Variants in USP47 observed in about 807,000 individuals in gnomAD.
The protein encoded by USP47 is ubiquitin carboxyl-terminal hydrolase 47.
A neutral mutation model predicts 165.1 loss-of-function variants in USP47; 35 were observed. That is an observed-to-expected ratio of 0.21 (90% confidence interval 0.16 to 0.28). The LOEUF is 0.28. USP47 is among the 10% of genes least tolerant of loss of function. The probability of loss-of-function intolerance (pLI) is 1.00; values close to 1 mark genes in which losing one functional copy is unlikely to be tolerated. For missense variants in USP47, 1,277 were observed against 1,607.4 expected (o/e 0.79, Z 3.52); for synonymous variants, 531 against 544.5 (o/e 0.98, Z 0.35).
intron 22 of USP47, 101 bp from the exon 23 acceptor site, chr11:11,949,787 TA>T (rs1288122880): frequency 5.4e-6 from 4 of 744,488 alleles, no homozygotes; most frequent in Non-Finnish European, 6.3e-6. Flanking sequence ...CTCAGGCCCT[TA>T]ATTGCAAATA....
intron 11 of USP47, among the ~76,000 whole-genome samples, chr11:11,927,219 C>T (rs1854313749): frequency 7.0e-6 from 1 of 142,676 alleles, no homozygotes; most frequent in Non-Finnish European, 1.6e-5. Context: ...CTCTGCCTCC[C>T]CTGAAGATTT....
intron 11 of USP47, among the ~76,000 whole-genome samples, chr11:11,927,756 T>C (rs989520187): frequency 1.3e-5 from 2 of 152,104 alleles, no homozygotes; most frequent in Non-Finnish European, 2.9e-5. Flanking sequence ...TGTATTGCTT[T>C]GTTAAATAGT....
intron 25 of USP47, among the ~76,000 whole-genome samples, chr11:11,953,367 A>G (rs1329882986): frequency 6.6e-6 from 1 of 152,208 alleles, no homozygotes; most frequent in Non-Finnish European, 1.5e-5. Flanking sequence ...ACTTCATACT[A>G]AACACAAAAA....
intron 12 of USP47, 46 bp downstream of exon 12, chr11:11,929,611 A>G: frequency 1.3e-6 from 2 of 1,598,072 alleles, no homozygotes; most frequent in East Asian, 2.2e-5. Flanking sequence ...GGTGGGAGTA[A>G]GGATGTTTCT....
intron 10 of USP47, among the ~76,000 whole-genome samples, chr11:11,922,270 T>C (rs1364704540): frequency 6.6e-6 from 1 of 151,972 alleles, no homozygotes; most frequent in African/African-American, 2.4e-5. Flanking sequence ...GTCTTGTTTC[T>C]CTTTCTAATT....
At position 11,956,092 on chromosome 11, in the gene USP47, C is replaced by A. The variant is rs371170010; in HGVS notation, c.3985C>A (p.Arg1329Ser). The A allele has an allele frequency of 1.7e-5, 27 of 1,612,086 alleles. No individual in the cohort carries two copies. Among genetic ancestry groups the A allele is most frequent in the Non-Finnish European group, 2.2e-5 (26 of 1,179,368 alleles). ...CAGTCGACTCCAGAAGACTGGACATCGTGTAACATACTCACCTCGTAAAGA... is the reference window on the plus strand; with the variant it reads ...CAGTCGACTCCAGAAGACTGGACATAGTGTAACATACTCACCTCGTAAAGA... ...ESSRLQKTGH[R>S]VTYSPRKEKA... is the part of the protein sequence containing the mutation. Residue 1329 changes from arginine (R) to serine (S), a missense_variant, in exon 28 of 28, where the codon CGT (arginine) becomes AGT (serine). Arg to Ser is a moderately radical substitution (Grantham distance 110). This residue lies in a region of USP47 where 909 missense variants were observed against 1,068.1 expected (regional missense o/e 0.85). Transcript: ENST00000527733.
rs540520042 is a variant in USP47 at position 11,891,926 on chromosome 11, A to G, written c.358-42A>G. Reference sequence around the variant, plus strand: ...AATGGTGAATGCTGTTGTTTCAGCAACATTTGCTATTTACTAACTATTTGA... The same window carrying G: ...AATGGTGAATGCTGTTGTTTCAGCAGCATTTGCTATTTACTAACTATTTGA... On this transcript the variant is annotated intron_variant, in intron 3 of 27. Transcript: ENST00000527733. 6 of 1,587,664 alleles carry G rather than the reference A, an allele frequency of 3.8e-6. No homozygotes were observed. The Admixed American group carries it at 7.0e-5, about 19-fold the overall frequency.
chr11:11,929,305 A>G, intron 11 of USP47, 129 bp from the exon 12 acceptor site: 2 of 1,285,904 alleles, frequency 1.6e-6, no homozygotes, highest in Non-Finnish European at 2.1e-6. Context: ...ACCTTAGGGG[A>G]AAGTTGACCT....
At chr11:11,920,004 T>C in intron 8 of USP47, 152 bp from the exon 9 acceptor site, 1 of 496,194 alleles carries the variant, frequency 2.0e-6, no homozygotes, top group Non-Finnish European at 3.4e-6. Context: ...TAATATTATT[T>C]TACTGTTGAT....
chr11:11,952,647 GT>G, intron 24 of USP47, 93 bp from the exon 25 acceptor site: 1 of 1,317,588 alleles, frequency 7.6e-7, no homozygotes, highest in Non-Finnish European at 9.9e-7. Context: ...AACACTTGAA[GT>G]AAATCTTTTT....
chr11:11,924,753 G>C (rs150241601), intron 11 of USP47, among the ~76,000 whole-genome samples: 18 of 151,772 alleles, frequency 1.2e-4, no homozygotes, highest in African/African-American at 3.9e-4. Context: ...GTTGTACAAA[G>C]TATTCTTTTA....
rs78852511 is a variant in USP47, at chr11:11,949,872, T to G, written c.3349-17T>G. The G allele has an allele frequency of 7.5e-3, 11,514 of 1,540,652 alleles. 168 individuals are homozygous for G. Among genetic ancestry groups the G allele is most frequent in the African/African-American group, 0.056 (4,068 of 73,150 alleles). On this transcript the variant is annotated splice_polypyrimidine_tract_variant and intron_variant, in intron 22 of 27. Transcript: ENST00000527733. ...AGGTATAATTCAAGCTCTGATTGTT[T>G]ATGTTTATATTTCTAGCCATGCAAG...
chr11:11,896,243 C>A (rs960241107), intron 4 of USP47, among the ~76,000 whole-genome samples: 1 of 152,080 alleles, frequency 6.6e-6, no homozygotes, highest in South Asian at 2.1e-4. Context: ...AAGCCTACCC[C>A]GAAAACATTT....
chr11:11,955,149 C>T lies in USP47; in HGVS notation c.3878C>T (p.Ala1293Val), dbSNP rs766080625. The T allele has an allele frequency of 2.8e-5, 45 of 1,612,174 alleles. No individual in the cohort carries two copies. Among genetic ancestry groups the T allele is most frequent in the Admixed American group, 2.3e-4 (14 of 59,686 alleles). Residue 1293 changes from alanine to valine, a missense_variant, in exon 27 of 28, where the codon GCG becomes GTG. By Grantham distance (64) the Ala-to-Val change is moderately conservative (BLOSUM62 0). Around this residue, in one of 4 missense-constraint regions of USP47, gnomAD observed 909 missense variants for 1,068.1 expected, o/e 0.85. Transcript: ENST00000527733. ...CCTCTTTATATCTGTGATGATGGTG[C>T]GGTCATATTTTATAGGTAACATTCA... ...VWPLYICDDGAVIFYRDKTEE... is the reference protein window; with the variant it reads ...VWPLYICDDGVVIFYRDKTEE...
At chr11:11,954,033 T>G (rs1414905355) in intron 25 of USP47, among the ~76,000 whole-genome samples, 1 of 152,100 alleles carries the variant, frequency 6.6e-6, no homozygotes, top group Non-Finnish European at 1.5e-5. Flanking sequence ...GCAGATCACT[T>G]GAGTTCAGGA....
chr11:11,868,602 C>G (rs1849834345), intron 1 of USP47, among the ~76,000 whole-genome samples: 1 of 151,928 alleles, frequency 6.6e-6, no homozygotes, highest in Non-Finnish European at 1.5e-5. Flanking sequence ...ATAAGCATTC[C>G]TGTACTGGTT....
At position 11,861,287 on chromosome 11, in the gene USP47, G is replaced by T. The variant is rs547218028; in HGVS notation, c.40-18890G>T. Among the ~76,000 whole-genome samples the T allele has an allele frequency of 3.9e-5, 6 of 152,132 alleles. No individual in the cohort carries two copies. The South Asian group carries it at 1.2e-3, about 32-fold the overall frequency. On this transcript the variant is annotated intron_variant, in intron 1 of 27. Transcript: ENST00000527733. ...TTTTTGTATTTTTTAGTAGAGACGGGGTTTCACCATGTTGGCTAGGGTGGT... is the reference window on the plus strand; with the variant it reads ...TTTTTGTATTTTTTAGTAGAGACGGTGTTTCACCATGTTGGCTAGGGTGGT...
chr11:11,921,238 TTTTTGTTTTG>T (rs994505522), intron 10 of USP47, among the ~76,000 whole-genome samples: 22 of 151,676 alleles, frequency 1.5e-4, no homozygotes, highest in African/African-American at 2.9e-4. Context: ...AAGCGTTTTT[TTTTTGTTTTG>T]TTTTGTTTTG....
intron 16 of USP47, among the ~76,000 whole-genome samples, chr11:11,934,992 T>G (rs1406142459): frequency 6.6e-6 from 1 of 152,126 alleles, no homozygotes; most frequent in Non-Finnish European, 1.5e-5. Flanking sequence ...TGTGATCCAG[T>G]GCAATCTGCA....
Sources: allele counts gnomAD v4.1 joint callset (sites outside exome capture counted in the v4.1 genomes callset), GRCh38; gene constraint gnomAD v4.1.1; regional missense constraint gnomAD v4.1.1; transcripts MANE v1.5; gene names NCBI Gene and HGNC (gene_info 2026-07-23, HGNC 2026-07-21).